Variants in DGCR2 observed in about 807,000 individuals in gnomAD.
DGCR2 encodes the protein DiGeorge syndrome critical region gene 2, also known as integral membrane protein DGCR2/IDD.
In DGCR2, 24 loss-of-function variants were observed where a neutral mutation model predicts 51.6. That is an observed-to-expected ratio of 0.47 (90% CI 0.34 to 0.65). DGCR2 has a LOEUF of 0.65. DGCR2 is among the 30% of genes least tolerant of loss of function. DGCR2 has a pLI of 0.01. For missense variants in DGCR2, 765 were observed against 772.1 expected, an observed-to-expected ratio of 0.99 and a Z score of 0.11; for synonymous variants, 340 against 315.4, an observed-to-expected ratio of 1.08 and a Z score of -0.82.
intron 1 of DGCR2, among the ~76,000 whole-genome samples, chr22:19,095,189 C>G (rs937004508): frequency 2.0e-5 from 3 of 152,008 alleles, no homozygotes; most frequent in African/African-American, 7.3e-5. Flanking sequence ...ATGGAAAAAC[C>G]CCATCTCTAC....
chr22:19,045,796 A>G lies in DGCR2; in HGVS notation c.1006+2644T>C, dbSNP rs138873740. Among the ~76,000 whole-genome samples, 733 of 152,288 alleles carry G rather than the reference A, an allele frequency of 4.8e-3. 9 individuals are homozygous for G. Among genetic ancestry groups the G allele is most frequent in the African/African-American group, 0.017 (712 of 41,540 alleles). ...GGCTGGAGTACAGTGGCGTGATCTC[A>G]GCTCACTGTAACCTTTACCTCCCAG... On this transcript the variant is annotated intron_variant, in intron 7 of 9. Transcript: ENST00000263196.
intron 5 of DGCR2, among the ~76,000 whole-genome samples, chr22:19,062,774 T>TTTTCTCTCTCTCTCTCTCTCTC: frequency 8.8e-6 from 1 of 113,982 alleles, no homozygotes; most frequent in South Asian, 3.8e-4. Context: ...CACACATGCA[T>TTTTCTCTCTCTCTCTCTCTCTC]GCTCACTCTC....
chr22:19,093,860 G>C (rs1037945762), intron 1 of DGCR2, among the ~76,000 whole-genome samples: 17 of 151,996 alleles, frequency 1.1e-4, no homozygotes, highest in South Asian at 2.1e-4. Context: ...AAAAAAATTA[G>C]CTGGGCTTGG....
intron 8 of DGCR2, 146 bp from the exon 9 acceptor site, chr22:19,041,440 G>A (rs781657553): frequency 2.5e-5 from 19 of 759,574 alleles, no homozygotes; most frequent in East Asian, 8.1e-5. Context: ...GGCCACATTC[G>A]GCATCCCCAT....
rs1360403860 is a variant in DGCR2, at chr22:19,038,939, C to T, written c.1579G>A (p.Gly527Arg). 5.0e-6 allele frequency: 8 copies of T among 1,612,400 alleles called. No homozygotes were observed. The highest frequency in any genetic ancestry group is 1.6e-4 in the Middle Eastern group (1 of 6,078). The change falls in exon 10 of 10, where the codon GGG becomes AGG. Residue 527 changes from glycine (G) to arginine (R), a missense_variant. Physicochemically the swap from Gly to Arg is moderately radical, Grantham distance 125. Coordinates refer to ENST00000263196, the MANE Select transcript of DGCR2 (RefSeq NM_005137.3). Reference protein sequence around the residue: ...LLVPPDPAQSGSTPAAEALPG... With the variant: ...LLVPPDPAQSRSTPAAEALPG... ...AGTGCCTCTGCAGCTGGGGTGCTCC[C>T]GCTCTGGGCAGGGTCAGGGGGCACG...
chr22:19,087,662 G>T (rs1366542143), intron 2 of DGCR2, among the ~76,000 whole-genome samples: 1 of 149,368 alleles, frequency 6.7e-6, no homozygotes, highest in African/African-American at 2.5e-5. Context: ...TATAAGGCAT[G>T]AGCCACTGCA....
At position 19,109,624 on chromosome 22, in the gene DGCR2, T is replaced by G. The variant is rs568661394; in HGVS notation, c.79+12504A>C. On this transcript the variant is annotated intron_variant, in intron 1 of 9. Transcript: ENST00000263196. ...GTGGTTGCCAGGCTGGAGAGAGAGATAAAAGGGAGGGGTAGTTACTCAATA... is the reference window on the plus strand; with the variant it reads ...GTGGTTGCCAGGCTGGAGAGAGAGAGAAAAGGGAGGGGTAGTTACTCAATA... Among the ~76,000 whole-genome samples the G allele has an allele frequency of 1.5e-4, 23 of 152,038 alleles. No individual in the cohort carries two copies. The South Asian group carries it at 2.9e-3, about 19-fold the overall frequency.
At chr22:19,059,220 C>T (rs1343424277) in intron 5 of DGCR2, among the ~76,000 whole-genome samples, 1 of 152,110 alleles carries the variant, frequency 6.6e-6, no homozygotes, top group Non-Finnish European at 1.5e-5. Flanking sequence ...AAAAGGACCC[C>T]CAGCAGCTGT....
At chr22:19,107,629 C>T (rs1161059496) in intron 1 of DGCR2, among the ~76,000 whole-genome samples, 1 of 152,138 alleles carries the variant, frequency 6.6e-6, no homozygotes, top group Non-Finnish European at 1.5e-5. Flanking sequence ...AGGAAGGGAT[C>T]ATATAAGATG....
Position 19,037,147 on chromosome 22 carries a change from G to A in DGCR2, c.*1718C>T, listed in dbSNP as rs903055451. On this transcript the variant is annotated 3_prime_UTR_variant, in exon 10 of 10. Coordinates refer to ENST00000263196, the MANE Select transcript of DGCR2 (RefSeq NM_005137.3). The stretch of plus-strand genomic sequence containing the variant: ...AGCCAGTAGGGGACTCCTGTGGCCA[G>A]GACTTCCTTGTTAAGTAGCAGCCCT... 1.3e-5 allele frequency: 2 copies of A among 152,240 alleles called. No individual in the cohort carries two copies. The highest frequency in any genetic ancestry group is 4.8e-5 in the African/African-American group (2 of 41,424). 9.4% of individuals were successfully genotyped at this position (152,240 alleles called of 1,614,324 possible).
At chr22:19,047,615 C>T (rs1402659589) in intron 7 of DGCR2, 1 of 151,928 alleles carries the variant, frequency 6.6e-6, no homozygotes, top group East Asian at 1.9e-4. Context: ...AAAGCATGCC[C>T]GTGGAGTGTG....
At chr22:19,109,868 T>C (rs1437238903) in intron 1 of DGCR2, among the ~76,000 whole-genome samples, 1 of 152,156 alleles carries the variant, frequency 6.6e-6, no homozygotes, top group African/African-American at 2.4e-5. Context: ...GTCCTAAGGA[T>C]AATATTACAA....
rs183536493 is a variant in DGCR2, at chr22:19,067,920, C to A, written c.328+180G>T. ...ACTTCCTAGGGCCTTGAGTCACATA[C>A]CACCACTCCAGCGCTGGGTGACTGC... is the stretch of plus-strand genomic sequence containing the variant. On this transcript the variant is annotated intron_variant, in intron 3 of 9. Transcript: ENST00000263196. 3.1e-3 allele frequency among the ~76,000 whole-genome samples: 470 copies of A among 152,290 alleles called. 4 individuals are homozygous for A. Among genetic ancestry groups the A allele is most frequent in the Middle Eastern group, 0.017 (5 of 294 alleles).
At chr22:19,040,105 C>T (rs1412554654) in intron 9 of DGCR2, among the ~76,000 whole-genome samples, 1 of 152,224 alleles carries the variant, frequency 6.6e-6, no homozygotes, top group African/African-American at 2.4e-5. Flanking sequence ...TCACAGCCCC[C>T]ACCCTGCTCT....
intron 2 of DGCR2, among the ~76,000 whole-genome samples, chr22:19,083,691 TCCCCCCTCCCCCTCC>T (rs61111051): frequency 9.4e-5 from 7 of 74,828 alleles, no homozygotes; most frequent in Non-Finnish European, 1.9e-4. Flanking sequence ...CCTCTCCCTC[TCCCCCCTCCCCCTCC>T]CCCTCTCCCT....
intron 1 of DGCR2, among the ~76,000 whole-genome samples, chr22:19,115,425 T>C (rs1422955138): frequency 1.3e-5 from 2 of 152,080 alleles, no homozygotes; most frequent in Non-Finnish European, 2.9e-5. Flanking sequence ...CCTACCAGGG[T>C]GGGGCCCAGG....
intron 2 of DGCR2, among the ~76,000 whole-genome samples, chr22:19,084,865 C>T (rs1477574690): frequency 6.7e-6 from 1 of 149,716 alleles, no homozygotes; most frequent in Non-Finnish European, 1.5e-5. Flanking sequence ...GGCGCCTCTG[C>T]CCAGCCGCCC....
chr22:19,063,807 A>G (rs932409174), intron 4 of DGCR2, among the ~76,000 whole-genome samples: 4 of 152,174 alleles, frequency 2.6e-5, no homozygotes, highest in African/African-American at 9.7e-5. Context: ...AAGCAAGAAC[A>G]ATCTTATTCT....
chr22:19,068,158 T>A lies in DGCR2; in HGVS notation c.270A>T (p.Arg90Ser). 2 of 1,611,560 alleles carry A rather than the reference T, an allele frequency of 1.2e-6. No individual in the cohort carries two copies. The highest frequency in any genetic ancestry group is 1.7e-6 in the Non-Finnish European group (2 of 1,179,294). ...EAVDPRQGRARGGDPSHFHAV... is the reference protein window; with the variant it reads ...EAVDPRQGRASGGDPSHFHAV... ...CGTGGAAGTGCGAAGGGTCGCCTCC[T>A]CTGGCCCGCCCCTGCCGCGGATCCA... The change falls in exon 3 of 10, where the codon AGA becomes AGT. Residue 90 changes from arginine (R) to serine (S), a missense_variant. Coordinates refer to ENST00000263196, the MANE Select transcript of DGCR2 (RefSeq NM_005137.3).
Sources: allele counts gnomAD v4.1 joint callset (sites outside exome capture counted in the v4.1 genomes callset), GRCh38; gene constraint gnomAD v4.1.1; transcripts MANE v1.5; gene names NCBI Gene and HGNC (gene_info 2026-07-23, HGNC 2026-07-21).